Variants in DPY19L1 observed in about 807,000 individuals in gnomAD.
DPY19L1 encodes the protein dpy-19 like C-mannosyltransferase 1, also known as protein C-mannosyl-transferase DPY19L1.
A neutral mutation model predicts 96.9 loss-of-function variants in DPY19L1; 35 were observed. That is an observed-to-expected ratio of 0.36 (90% CI 0.28 to 0.48). DPY19L1 has a LOEUF of 0.48. DPY19L1 is among the 20% of genes least tolerant of loss of function. DPY19L1 has a pLI of 0.99. For missense variants in DPY19L1, 521 were observed against 777.9 expected, an observed-to-expected ratio of 0.67 and a Z score of 3.93; for synonymous variants, 205 against 252.6, an observed-to-expected ratio of 0.81 and a Z score of 1.79.
chr7:34,989,351 A>T (rs1446557019), intron 7 of DPY19L1, among the ~76,000 whole-genome samples: 1 of 152,158 alleles, frequency 6.6e-6, no homozygotes, highest in Non-Finnish European at 1.5e-5. Context: ...GTGGTGGCTT[A>T]TACCTGTAAT....
At chr7:34,952,954 C>G (rs762645903) in intron 13 of DPY19L1, among the ~76,000 whole-genome samples, 6 of 152,128 alleles carry the variant, frequency 3.9e-5, no homozygotes, top group Admixed American at 3.9e-4. Flanking sequence ...ACCTAGGTTG[C>G]TCCCATCCAC....
chr7:35,007,242 C>G (rs1785582498), intron 6 of DPY19L1, among the ~76,000 whole-genome samples: 1 of 152,162 alleles, frequency 6.6e-6, no homozygotes, highest in Non-Finnish European at 1.5e-5. Flanking sequence ...CTTCAGTTAA[C>G]GATGCCTTTG....
chr7:34,979,611 T>C (rs1252900097), intron 7 of DPY19L1, among the ~76,000 whole-genome samples: 5 of 152,118 alleles, frequency 3.3e-5, no homozygotes, highest in Admixed American at 2.0e-4. Flanking sequence ...CTATTTTGTG[T>C]GTATTACAGA....
At chr7:34,941,381 TAA>T (rs988544430) in intron 18 of DPY19L1, among the ~76,000 whole-genome samples, 3 of 151,820 alleles carry the variant, frequency 2.0e-5, no homozygotes, top group East Asian at 1.9e-4. Flanking sequence ...GAAAAAAAAA[TAA>T]GTTTGATACT....
intron 8 of DPY19L1, among the ~76,000 whole-genome samples, chr7:34,973,246 T>A (rs2128668588): frequency 6.6e-6 from 1 of 151,390 alleles, no homozygotes; most frequent in African/African-American, 2.5e-5. Flanking sequence ...GAAGAAGACT[T>A]GAGAAAGTGG....
chr7:34,937,271 G>A (rs1483304825), intron 21 of DPY19L1, among the ~76,000 whole-genome samples: 1 of 152,210 alleles, frequency 6.6e-6, no homozygotes, highest in Non-Finnish European at 1.5e-5. Flanking sequence ...CAAGTAAGAT[G>A]TGAAACACCA....
intron 15 of DPY19L1, among the ~76,000 whole-genome samples, chr7:34,947,251 G>A (rs989010702): frequency 2.6e-5 from 4 of 152,022 alleles, no homozygotes; most frequent in Non-Finnish European, 4.4e-5. Context: ...CACAATCCAG[G>A]AGTTATTGCA....
Position 34,940,233 on chromosome 7 carries a change from G to A in DPY19L1, c.1784C>T (p.Thr595Ile). ...MSIQGSANLQ[T>I]QWNIVGEFSN... ...GAACTCCCCTACAATATTCCACTGG[G>A]TTTGCAGATTTGCTGAACCTTGTAT... Residue 595 changes from threonine to isoleucine, a missense_variant, in exon 19 of 22, where the codon ACC (threonine) becomes ATC (isoleucine). Thr to Ile is a moderately conservative substitution (Grantham distance 89). Coordinates refer to ENST00000638088, the MANE Select transcript of DPY19L1 (RefSeq NM_001366673.1). 1 of 1,611,674 alleles carries A rather than the reference G, an allele frequency of 6.2e-7. No individual in the cohort carries two copies. Among genetic ancestry groups the A allele is most frequent in the Non-Finnish European group, 8.5e-7 (1 of 1,179,650 alleles).
chr7:35,011,670 CA>C (rs955559863), intron 4 of DPY19L1, among the ~76,000 whole-genome samples: 4 of 151,022 alleles, frequency 2.6e-5, no homozygotes, highest in South Asian at 2.1e-4. Flanking sequence ...AAATATGGGC[CA>C]AAAAAAAGTG....
chr7:34,999,003 T>A (rs1327557491), intron 6 of DPY19L1, among the ~76,000 whole-genome samples: 2 of 152,080 alleles, frequency 1.3e-5, no homozygotes, highest in Non-Finnish European at 2.9e-5. Context: ...AAGTCCAATA[T>A]CCAATCACTA....
At chr7:35,026,680 G>A (rs1342968326) in intron 1 of DPY19L1, among the ~76,000 whole-genome samples, 1 of 152,132 alleles carries the variant, frequency 6.6e-6, no homozygotes, top group African/African-American at 2.4e-5. Flanking sequence ...GTGATGAAAT[G>A]GGCTTTATAA....
At chr7:35,022,922 C>G (rs769522052) in intron 1 of DPY19L1, among the ~76,000 whole-genome samples, 7 of 152,200 alleles carry the variant, frequency 4.6e-5, no homozygotes, top group Non-Finnish European at 7.3e-5. Context: ...CGCCTTGGTG[C>G]TGGCGGCTGG....
chr7:34,931,108 ATGACAGGGGC>A lies in DPY19L1; in HGVS notation c.*455_*464del, dbSNP rs1783743554. On this transcript the variant is annotated 3_prime_UTR_variant, in exon 22 of 22. Transcript: ENST00000638088. Reference sequence around the variant, plus strand: ...GCCCCATCTACTGTAACTCAAGTTGATGACAGGGGCTGACATGACCGAAGAACTTACAATC... The same window carrying A: ...GCCCCATCTACTGTAACTCAAGTTGATGACATGACCGAAGAACTTACAATC... 6.6e-6 allele frequency: 1 copy of A among 152,646 alleles called. No homozygotes were observed. The highest frequency in any genetic ancestry group is 2.4e-5 in the African/African-American group (1 of 41,480). 9.5% of individuals were successfully genotyped at this position (152,646 alleles called of 1,614,324 possible).
At chr7:35,004,691 A>G (rs1461510470) in intron 6 of DPY19L1, among the ~76,000 whole-genome samples, 3 of 152,258 alleles carry the variant, frequency 2.0e-5, no homozygotes, top group African/African-American at 7.2e-5. Flanking sequence ...GTCATAGATA[A>G]TACACTCATA....
chr7:35,001,618 T>C (rs328932), intron 6 of DPY19L1, among the ~76,000 whole-genome samples: 74,844 of 151,934 alleles, frequency 0.49, 18,847 homozygotes, highest in Admixed American at 0.63. Flanking sequence ...TCTTTTACAT[T>C]TAAAGGCAAA....
At position 34,973,578 on chromosome 7, in the gene DPY19L1, G is replaced by A; in HGVS notation, c.850C>T (p.Leu284Phe). Residue 284 changes from leucine (L) to phenylalanine (F), a missense_variant, in exon 8 of 22, where the codon CTC (leucine) becomes TTC (phenylalanine). Physicochemically the swap from Leu to Phe is conservative, Grantham distance 22 (BLOSUM62 0). Transcript: ENST00000638088. ...AATGGATATGAGAAGCTTTCACGGAGAGGTGGTGTCCACATTACACGGGTA... is the reference window on the plus strand; with the variant it reads ...AATGGATATGAGAAGCTTTCACGGAAAGGTGGTGTCCACATTACACGGGTA... ...ECTRVMWTPP[L>F]RESFSYPFLV... The A allele has an allele frequency of 6.5e-7, 1 of 1,532,264 alleles. No individual in the cohort carries two copies. The highest frequency in any genetic ancestry group is 8.8e-7 in the Non-Finnish European group (1 of 1,138,014). 94.9% of individuals were successfully genotyped at this position (1,532,264 alleles called of 1,614,324 possible).
chr7:35,001,731 C>T (rs1426655903), intron 6 of DPY19L1, among the ~76,000 whole-genome samples: 3 of 152,112 alleles, frequency 2.0e-5, no homozygotes, highest in East Asian at 3.9e-4. Flanking sequence ...AGCTTCTATA[C>T]AGCTTTTTTT....
chr7:35,037,406 C>A lies in DPY19L1; in HGVS notation c.-12G>T. 2 of 333,942 alleles carry A rather than the reference C, an allele frequency of 6.0e-6. No homozygotes were observed. Among genetic ancestry groups the A allele is most frequent in the South Asian group, 2.8e-4 (2 of 7,102 alleles). The allele number at this position is 333,942 out of a possible 1,614,324, so 20.7% of individuals were successfully genotyped here. ...GCCTGCAGGACCATCTTGGCATAGT[C>A]GCGCCCGCTCGCTGCGCGCGCCCGG... On this transcript the variant is annotated 5_prime_UTR_variant, in exon 1 of 22. Coordinates refer to ENST00000638088, the MANE Select transcript of DPY19L1 (RefSeq NM_001366673.1).
chr7:35,000,236 C>T (rs562627394), intron 6 of DPY19L1, among the ~76,000 whole-genome samples: 3 of 152,204 alleles, frequency 2.0e-5, no homozygotes, highest in Admixed American at 6.5e-5. Context: ...AATAGCTGTT[C>T]GTATTCACCA....
Sources: gnomAD v4.1 joint callset for allele counts (sites outside exome capture counted in the v4.1 genomes callset) on GRCh38, gnomAD v4.1.1 for gene constraint, MANE v1.5 for transcripts, NCBI Gene and HGNC (gene_info 2026-07-23, HGNC 2026-07-21) for gene names.